The following NR5A1 variants were observed in gnomAD, a reference collection of about 807,000 sequenced individuals.
NR5A1 encodes nuclear receptor subfamily 5 group A member 1, also known as steroidogenic factor 1.
NR5A1 carries 6 observed loss-of-function variants against 42.7 expected under a neutral mutation model. That is an observed-to-expected ratio of 0.14 (90% CI 0.08 to 0.28). NR5A1 has a LOEUF of 0.28. NR5A1 is among the 10% of genes least tolerant of loss of function. NR5A1 has a pLI of 1.00. For synonymous variants in NR5A1, 274 were observed against 277.5 expected (o/e 0.99, Z 0.12); for missense variants, 442 against 626.4 (o/e 0.71, Z 3.14).
At chr9:124,499,781 G>A (rs750251018) in intron 4 of NR5A1, among the ~76,000 whole-genome samples, 2 of 152,184 alleles carry the variant, frequency 1.3e-5, no homozygotes, top group Non-Finnish European at 2.9e-5. Context: ...GGGTTGCAGA[G>A]ACACCAAGAA....
At chr9:124,493,780 C>T (rs900173468) in intron 4 of NR5A1, among the ~76,000 whole-genome samples, 12 of 152,178 alleles carry the variant, frequency 7.9e-5, no homozygotes, top group African/African-American at 1.2e-4. Context: ...GAAGCAGAAA[C>T]GAACAGCAAC....
chr9:124,482,813 T>C lies in NR5A1; in HGVS notation c.1331A>G (p.Asn444Ser). The change falls in exon 7 of 7, where the codon AAC (asparagine) becomes AGC (serine). Residue 444 changes from asparagine (N) to serine (S), a missense_variant. Around this residue, in one of 3 missense-constraint regions of NR5A1, gnomAD observed 163 missense variants for 265.8 expected, o/e 0.61. Transcript: ENST00000373588. ...KEYLYHKHLG[N>S]EMPRNNLLIE... ...GAGCAGGTTGTTGCGGGGCATCTCG[T>C]TGCCCAGGTGCTTGTGGTACAGGTA... 1 of 1,587,466 alleles carries C rather than the reference T, an allele frequency of 6.3e-7. No individual in the cohort carries two copies. Among genetic ancestry groups the C allele is most frequent in the Non-Finnish European group, 8.6e-7 (1 of 1,163,882 alleles).
intron 5 of NR5A1, among the ~76,000 whole-genome samples, 158 bp from the exon 6 acceptor site, chr9:124,491,386 G>A (rs1832306868): frequency 6.6e-6 from 1 of 152,146 alleles, no homozygotes; most frequent in African/African-American, 2.4e-5. Context: ...GCCAGGCACG[G>A]GTAACATCTG....
chr9:124,498,666 A>G lies in NR5A1; in HGVS notation c.870+1424T>C, dbSNP rs1232997829. On this transcript the variant is annotated intron_variant, in intron 4 of 6. Coordinates refer to ENST00000373588, the MANE Select transcript of NR5A1 (RefSeq NM_004959.5). This position sits in a 1 kb window ranked among gnomAD's most constrained non-coding sequence, Gnocchi z 4.6. Reference sequence around the variant, plus strand: ...GGGCCTCCAGCCATGAGCAGAAGGCAGGTGGGAGTATTCAAGACCCTGCCT... The same window carrying G: ...GGGCCTCCAGCCATGAGCAGAAGGCGGGTGGGAGTATTCAAGACCCTGCCT... 2.0e-5 allele frequency among the ~76,000 whole-genome samples: 3 copies of G among 152,242 alleles called. No homozygotes were observed. The East Asian group carries it at 5.8e-4, about 29-fold the overall frequency.
chr9:124,500,440 G>T lies in NR5A1; in HGVS notation c.520C>A (p.Pro174Thr). 45 of 1,579,546 alleles carry T rather than the reference G, an allele frequency of 2.8e-5. No homozygotes were observed. Among genetic ancestry groups the T allele is most frequent in the Non-Finnish European group, 3.9e-5 (45 of 1,164,492 alleles). ...CCAGCCAGTGGCCCGTGGGCACCGG[G>T]CACGGCCATGGGCAGTGCTGGGGCC... is the stretch of plus-strand genomic sequence containing the variant. The part of the protein sequence containing the change: ...FGAPALPMAV[P>T]GAHGPLAGYL... The change falls in exon 4 of 7, where the codon CCC becomes ACC. Residue 174 changes from proline (P) to threonine (T), a missense_variant. This residue lies in a region of NR5A1 where 208 missense variants were observed against 203.8 expected (regional missense o/e 1.02). Coordinates refer to ENST00000373588, the MANE Select transcript of NR5A1 (RefSeq NM_004959.5). The surrounding 1 kb of genome is among the most constrained non-coding windows in gnomAD (Gnocchi z 6.9).
intron 6 of NR5A1, among the ~76,000 whole-genome samples, chr9:124,487,149 C>T (rs746857545): frequency 5.3e-5 from 8 of 152,234 alleles, no homozygotes; most frequent in Admixed American, 5.2e-4. Flanking sequence ...GAGCAGCCCG[C>T]TAGCTCTGCA....
Position 124,482,913 on chromosome 9 carries a change from G to A in NR5A1, c.1231C>T (p.His411Tyr). The A allele has an allele frequency of 1.2e-6, 2 of 1,614,202 alleles. No homozygotes were observed. The highest frequency in any genetic ancestry group is 1.3e-5 in the African/African-American group (1 of 75,042). The change falls in exon 7 of 7, where the codon CAC (histidine) becomes TAC (tyrosine). Residue 411 changes from histidine to tyrosine, a missense_variant. By Grantham distance (83) the His-to-Tyr change is moderately conservative. Coordinates refer to ENST00000373588, the MANE Select transcript of NR5A1 (RefSeq NM_004959.5). ...LLDYTLCHYP[H>Y]CGDKFQQLLL... ...AGCTGCTGGAATTTGTCCCCGCAGT[G>A]CGGGTAGTGGCACAGGGTGTAGTCA...
In NR5A1 at chr9:124,482,743, G is replaced by A; in HGVS notation, c.*15C>T. ...CAGTCCCGCCCCCAGTCCCGGCCCC[G>A]CCCCCGGCCCAGGCTCAAGTCTGCT... On this transcript the variant is annotated 3_prime_UTR_variant, in exon 7 of 7. Transcript: ENST00000373588. The A allele has an allele frequency of 1.5e-6, 1 of 675,068 alleles. No individual in the cohort carries two copies. The highest frequency in any genetic ancestry group is 1.9e-4 in the East Asian group (1 of 5,396). 41.8% of individuals were successfully genotyped at this position (675,068 alleles called of 1,614,324 possible). A position where few individuals can be genotyped will look rare whatever the true frequency, so the allele number is the denominator to read the frequency against.
intron 6 of NR5A1, among the ~76,000 whole-genome samples, chr9:124,486,540 A>G (rs1229762851): frequency 1.3e-5 from 2 of 152,128 alleles, no homozygotes; most frequent in African/African-American, 4.8e-5. Flanking sequence ...TTCCTGTGGG[A>G]TTGGACATAA....
chr9:124,485,061 C>A (rs1264466688), intron 6 of NR5A1, among the ~76,000 whole-genome samples: 3 of 152,150 alleles, frequency 2.0e-5, no homozygotes, highest in Non-Finnish European at 4.4e-5. Flanking sequence ...ACTTGACCAG[C>A]CTTCCTCCTC....
intron 1 of NR5A1, among the ~76,000 whole-genome samples, chr9:124,504,399 G>C (rs1018526857): frequency 6.6e-6 from 1 of 152,040 alleles, no homozygotes; most frequent in African/African-American, 2.4e-5. Flanking sequence ...CGACGGCGCC[G>C]GGACCGAGAG....
At chr9:124,487,302 C>A (rs960619135) in intron 6 of NR5A1, among the ~76,000 whole-genome samples, 5 of 152,264 alleles carry the variant, frequency 3.3e-5, no homozygotes, top group Admixed American at 2.0e-4. Context: ...GCACAATGGC[C>A]CCTCGAGTGG....
chr9:124,482,469 G>A lies in NR5A1; in HGVS notation c.*289C>T. ...GCTTCAGACTCCAGGAGAGAGAGCT[G>A]GGAGCAGGGAGGGGGCGGGGCGGGT... On this transcript the variant is annotated 3_prime_UTR_variant, in exon 7 of 7. Coordinates refer to ENST00000373588, the MANE Select transcript of NR5A1 (RefSeq NM_004959.5). 2.1e-6 allele frequency: 1 copy of A among 466,160 alleles called. No individual in the cohort carries two copies. Among genetic ancestry groups the A allele is most frequent in the Non-Finnish European group, 4.0e-6 (1 of 251,740 alleles). The allele number at this position is 466,160 out of a possible 1,614,324, so 28.9% of individuals were successfully genotyped here.
In NR5A1 at chr9:124,482,297, GA is replaced by G. The variant is rs1261882420; in HGVS notation, c.*460del. On this transcript the variant is annotated 3_prime_UTR_variant, in exon 7 of 7. Coordinates refer to ENST00000373588, the MANE Select transcript of NR5A1 (RefSeq NM_004959.5). ...CTCTCCCTCCTGGTCTCTATGGGGG[GA>G]ACACTGGAGACCCTCTCTCCTCCCC... 3.9e-6 allele frequency: 1 copy of G among 257,818 alleles called. No individual in the cohort carries two copies. Among genetic ancestry groups the G allele is most frequent in the African/African-American group, 2.2e-5 (1 of 44,980 alleles). 16.0% of individuals were successfully genotyped at this position (257,818 alleles called of 1,614,324 possible).
In NR5A1 at chr9:124,482,757, C is replaced by G; in HGVS notation, c.*1G>C. Reference sequence around the variant, plus strand: ...GTCCCGGCCCCGCCCCCGGCCCAGGCTCAAGTCTGCTTGGCTTGCAGCATT... The same window carrying G: ...GTCCCGGCCCCGCCCCCGGCCCAGGGTCAAGTCTGCTTGGCTTGCAGCATT... On this transcript the variant is annotated 3_prime_UTR_variant, in exon 7 of 7. Coordinates refer to ENST00000373588, the MANE Select transcript of NR5A1 (RefSeq NM_004959.5). 1.5e-5 allele frequency: 19 copies of G among 1,285,372 alleles called. No homozygotes were observed. The East Asian group carries it at 2.2e-4, about 15-fold the overall frequency. The allele number at this position is 1,285,372 out of a possible 1,614,324, so 79.6% of individuals were successfully genotyped here.
At chr9:124,502,666 G>A (rs1029424116) in intron 3 of NR5A1, among the ~76,000 whole-genome samples, 2 of 152,230 alleles carry the variant, frequency 1.3e-5, no homozygotes, top group African/African-American at 2.4e-5. Context: ...GGTTTAGAGA[G>A]GTTAAGGATT....
Position 124,482,070 on chromosome 9 carries a change from TG to T in NR5A1, c.*687del, listed in dbSNP as rs1462120866. The T allele has an allele frequency of 1.3e-5, 2 of 153,352 alleles. No individual in the cohort carries two copies. Among genetic ancestry groups the T allele is most frequent in the African/African-American group, 4.8e-5 (2 of 41,424 alleles). 9.5% of individuals were successfully genotyped at this position (153,352 alleles called of 1,614,324 possible). ...TGTCGATTGTACCAAACGTTCTCCT[TG>T]GGTGGGAGAGGGAATCAGTGATGCC... On this transcript the variant is annotated 3_prime_UTR_variant, in exon 7 of 7. Coordinates refer to ENST00000373588, the MANE Select transcript of NR5A1 (RefSeq NM_004959.5).
intron 1 of NR5A1, among the ~76,000 whole-genome samples, chr9:124,504,292 G>A (rs1347380776): frequency 1.3e-5 from 2 of 152,176 alleles, no homozygotes; most frequent in Non-Finnish European, 2.9e-5. Flanking sequence ...CGGGGACAGG[G>A]GACGCGCGGA....
In NR5A1 at chr9:124,482,708, G is replaced by GT; in HGVS notation, c.*49_*50insA. ...GCGGTGTGGCTGCGGCCCCGCCCAG[G>GT]CCCCGCCCCCAGTCCCGCCCCCAGT... On this transcript the variant is annotated 3_prime_UTR_variant, in exon 7 of 7. Transcript: ENST00000373588. 1 of 558,002 alleles carries GT rather than the reference G, an allele frequency of 1.8e-6. No homozygotes were observed. The highest frequency in any genetic ancestry group is 3.2e-6 in the Non-Finnish European group (1 of 308,300). The allele number at this position is 558,002 out of a possible 1,614,324, so 34.6% of individuals were successfully genotyped here. A position where few individuals can be genotyped will look rare whatever the true frequency, so the allele number is the denominator to read the frequency against.
Sources: allele counts gnomAD v4.1 joint callset (sites outside exome capture counted in the v4.1 genomes callset), GRCh38; gene constraint gnomAD v4.1.1; regional missense constraint gnomAD v4.1.1; non-coding constraint Gnocchi (gnomAD v3.1); transcripts MANE v1.5; gene names NCBI Gene and HGNC (gene_info 2026-07-23, HGNC 2026-07-21).